The following CAMK1D variants were observed in gnomAD, a reference collection of about 807,000 sequenced individuals.
The protein encoded by CAMK1D is calcium/calmodulin-dependent protein kinase type 1D.
A neutral mutation model predicts 47.7 loss-of-function variants in CAMK1D; 9 were observed. That is an observed-to-expected ratio of 0.19 (90% CI 0.11 to 0.33). The LOEUF (loss-of-function observed/expected upper bound fraction) is 0.33, where lower values mean the gene tolerates loss of function less well. CAMK1D is among the 10% of genes least tolerant of loss of function. The probability of loss-of-function intolerance (pLI) is 1.00; values close to 1 mark genes in which losing one functional copy is unlikely to be tolerated. For synonymous variants in CAMK1D, 184 were observed against 184.9 expected, an observed-to-expected ratio of 0.99 and a Z score of 0.04; for missense variants, 291 against 488.7, an observed-to-expected ratio of 0.60 and a Z score of 3.81.
chr10:12,451,678 C>T (rs991812941), intron 1 of CAMK1D, among the ~76,000 whole-genome samples: 39 of 152,192 alleles, frequency 2.6e-4, no homozygotes, highest in African/African-American at 8.9e-4. Context: ...ATTTATTTTA[C>T]AATTTCTCTC....
At chr10:12,397,711 A>T (rs1270823480) in intron 1 of CAMK1D, among the ~76,000 whole-genome samples, 1 of 152,196 alleles carries the variant, frequency 6.6e-6, no homozygotes, top group Non-Finnish European at 1.5e-5. Context: ...TTGACTGAAG[A>T]GGGTGAGTGT....
chr10:12,810,340 T>A (rs1351359215), intron 6 of CAMK1D, among the ~76,000 whole-genome samples: 2 of 148,538 alleles, frequency 1.3e-5, no homozygotes, highest in African/African-American at 5.0e-5. Context: ...AGTGGTGTGA[T>A]CTCAGCTCAC....
chr10:12,467,988 A>T (rs1833641155), intron 1 of CAMK1D, among the ~76,000 whole-genome samples: 2 of 152,208 alleles, frequency 1.3e-5, no homozygotes, highest in Non-Finnish European at 2.9e-5. Flanking sequence ...ACAATATCAT[A>T]ACCAGGATAT....
intron 6 of CAMK1D, among the ~76,000 whole-genome samples, chr10:12,813,056 A>G (rs1832668165): frequency 6.6e-6 from 1 of 152,208 alleles, no homozygotes; most frequent in South Asian, 2.1e-4. Flanking sequence ...GTTAATCAGA[A>G]TTTCCACTCC....
At chr10:12,785,356 G>A (rs964465901) in intron 5 of CAMK1D, among the ~76,000 whole-genome samples, 7 of 152,154 alleles carry the variant, frequency 4.6e-5, no homozygotes, top group Admixed American at 1.3e-4. Flanking sequence ...TTCAGTGACC[G>A]CCTGTCTTTG....
intron 2 of CAMK1D, among the ~76,000 whole-genome samples, chr10:12,613,429 T>C (rs1838690526): frequency 6.6e-6 from 1 of 152,272 alleles, no homozygotes; most frequent in Non-Finnish European, 1.5e-5. Context: ...ATCTAAAGTA[T>C]GTGAAGCAGC....
Position 12,761,075 on chromosome 10 carries a change from A to G in CAMK1D, c.427A>G (p.Arg143Gly). 1 of 1,614,058 alleles carries G rather than the reference A, an allele frequency of 6.2e-7. No homozygotes were observed. Among genetic ancestry groups the G allele is most frequent in the Non-Finnish European group, 8.5e-7 (1 of 1,179,950 alleles). ...YYLHRMGIVHRDLKPENLLYY... is the reference protein window; with the variant it reads ...YYLHRMGIVHGDLKPENLLYY... ...TCTCCACAGAATGGGCATCGTCCAC[A>G]GAGACCTCAAGGTGAGGCCATCGCT... Residue 143 changes from arginine to glycine, a missense_variant, in exon 4 of 11, where the codon AGA (arginine) becomes GGA (glycine). By Grantham distance (125) the Arg-to-Gly change is moderately radical (BLOSUM62 -2). Coordinates refer to ENST00000619168, the MANE Select transcript of CAMK1D (RefSeq NM_153498.4).
At chr10:12,762,665 C>T (rs11257974) in intron 4 of CAMK1D, among the ~76,000 whole-genome samples, 16,107 of 152,222 alleles carry the variant, frequency 0.11, 911 homozygotes, top group South Asian at 0.15. Context: ...TGGAAAACCA[C>T]TGGGCGAGGA....
chr10:12,541,561 A>G (rs879618857), intron 1 of CAMK1D, among the ~76,000 whole-genome samples: 6 of 151,926 alleles, frequency 3.9e-5, no homozygotes, highest in Non-Finnish European at 5.9e-5. Context: ...GGGTTTCACC[A>G]TGTTGGTCAG....
chr10:12,513,257 C>T (rs1266710163), intron 1 of CAMK1D, among the ~76,000 whole-genome samples: 1 of 152,124 alleles, frequency 6.6e-6, no homozygotes, highest in South Asian at 2.1e-4. Context: ...ACCCTGGACG[C>T]GGGCAGCCCT....
intron 1 of CAMK1D, among the ~76,000 whole-genome samples, chr10:12,400,721 A>G (rs895680871): frequency 1.3e-5 from 2 of 152,028 alleles, no homozygotes; most frequent in African/African-American, 4.8e-5. Flanking sequence ...GTTTTCACAG[A>G]TGGAGACTTA....
chr10:12,719,774 T>C (rs1284148497), intron 3 of CAMK1D, among the ~76,000 whole-genome samples: 1 of 152,222 alleles, frequency 6.6e-6, no homozygotes, highest in Admixed American at 6.5e-5. Flanking sequence ...TTCACAGTTA[T>C]CCCAGGATGA....
chr10:12,504,231 C>CACACAT (rs1554779042), intron 1 of CAMK1D, among the ~76,000 whole-genome samples: 1 of 151,522 alleles, frequency 6.6e-6, no homozygotes, highest in African/African-American at 2.4e-5. Context: ...ATTTTACACA[C>CACACAT]ACACACACAC....
intron 1 of CAMK1D, among the ~76,000 whole-genome samples, chr10:12,476,161 A>T (rs1255865805): frequency 6.6e-6 from 1 of 152,016 alleles, no homozygotes; most frequent in Non-Finnish European, 1.5e-5. Context: ...GCATGGTGGC[A>T]CGTGCCTATA....
At chr10:12,364,923 A>G (rs1453091515) in intron 1 of CAMK1D, among the ~76,000 whole-genome samples, 1 of 151,246 alleles carries the variant, frequency 6.6e-6, no homozygotes, top group Admixed American at 6.6e-5. Flanking sequence ...CAGCTCTGCC[A>G]GTGAAGAACT....
chr10:12,794,242 A>G (rs1368984110), intron 6 of CAMK1D, among the ~76,000 whole-genome samples: 1 of 152,196 alleles, frequency 6.6e-6, no homozygotes. Flanking sequence ...TCTCAATCCA[A>G]GGAGTTGGCT....
chr10:12,617,572 T>C (rs1838861884), intron 2 of CAMK1D, among the ~76,000 whole-genome samples: 1 of 152,166 alleles, frequency 6.6e-6, no homozygotes. Flanking sequence ...GGGAGCCGTT[T>C]CTTCTCTTTG....
chr10:12,442,908 C>T (rs1832823641), intron 1 of CAMK1D, among the ~76,000 whole-genome samples: 1 of 152,276 alleles, frequency 6.6e-6, no homozygotes, highest in Non-Finnish European at 1.5e-5. Flanking sequence ...AGTGTGATGG[C>T]AAATTTCAGG....
At chr10:12,468,037 G>A (rs986418988) in intron 1 of CAMK1D, among the ~76,000 whole-genome samples, 2 of 152,122 alleles carry the variant, frequency 1.3e-5, no homozygotes, top group African/African-American at 2.4e-5. Context: ...ACAAGCTACC[G>A]ATTTTATGCA....
Sources: allele counts gnomAD v4.1 joint callset (sites outside exome capture counted in the v4.1 genomes callset), GRCh38; gene constraint gnomAD v4.1.1; transcripts MANE v1.5; gene names NCBI Gene and HGNC (gene_info 2026-07-23, HGNC 2026-07-21).